TTBK2: variants seen among roughly 807,000 people sequenced by gnomAD.
TTBK2 encodes tau tubulin kinase 2.
TTBK2 carries 28 observed loss-of-function variants against 110.8 expected under a neutral mutation model. The observed-to-expected ratio is 0.25, with a 90% CI of 0.19 to 0.35. The LOEUF is 0.35. Ranked by LOEUF, TTBK2 falls within the 10% of genes least tolerant of loss-of-function variation. The pLI is 1.00. For synonymous variants in TTBK2, 532 were observed against 527.3 expected, an observed-to-expected ratio of 1.01 and a Z score of -0.12; for missense variants, 1,369 against 1,500.3, an observed-to-expected ratio of 0.91 and a Z score of 1.45.
At chr15:42,848,349 T>C (rs1162034705) in intron 3 of TTBK2, among the ~76,000 whole-genome samples, 3 of 152,188 alleles carry the variant, frequency 2.0e-5, no homozygotes, top group Non-Finnish European at 4.4e-5. Context: ...ATTAAATCTA[T>C]AGATCAATTG....
chr15:42,763,163 T>C (rs1190741720), intron 13 of TTBK2, among the ~76,000 whole-genome samples: 15 of 11,804 alleles, frequency 1.3e-3, no homozygotes, highest in African/African-American at 2.4e-3. Context: ...TATACATATA[T>C]ATATATATAT....
intron 8 of TTBK2, 76 bp from the exon 9 acceptor site, chr15:42,810,815 C>G: frequency 6.4e-7 from 1 of 1,555,646 alleles, no homozygotes; most frequent in Middle Eastern, 1.7e-4. Flanking sequence ...CAGTAACCGT[C>G]TCAAGGGTAT....
At position 42,752,686 on chromosome 15, in the gene TTBK2, T is replaced by A. The variant is rs1188379514; in HGVS notation, c.2560A>T (p.Ile854Phe). ...MKLLTVGTSE[I>F]SSRDIDPHVE... ...TGTGGGTCAATGTCTCTGGAAGAAA[T>A]TTCTGAAGTTCCAACTGTCAGAAGC... Residue 854 changes from isoleucine (I) to phenylalanine (F), a missense_variant, in exon 14 of 15, where the codon ATT (isoleucine) becomes TTT (phenylalanine). Ile to Phe is a conservative substitution (Grantham distance 21). Around this residue, in one of 4 missense-constraint regions of TTBK2, gnomAD observed 1,097 missense variants for 1,114.7 expected, o/e 0.98. Transcript: ENST00000267890. The A allele has an allele frequency of 1.2e-6, 2 of 1,614,162 alleles. No homozygotes were observed. Among genetic ancestry groups the A allele is most frequent in the East Asian group, 4.5e-5 (2 of 44,892 alleles).
intron 1 of TTBK2, among the ~76,000 whole-genome samples, chr15:42,904,475 C>T (rs1042065288): frequency 2.0e-5 from 3 of 152,020 alleles, no homozygotes; most frequent in Non-Finnish European, 2.9e-5. Flanking sequence ...TAAATAAATT[C>T]CTCCTTGGTA....
intron 7 of TTBK2, among the ~76,000 whole-genome samples, chr15:42,815,749 C>T (rs1891910990): frequency 6.7e-6 from 1 of 150,024 alleles, no homozygotes; most frequent in Non-Finnish European, 1.5e-5. Context: ...ATACATATTA[C>T]AGATAAAATG....
At chr15:42,848,572 C>T (rs1180098438) in intron 3 of TTBK2, among the ~76,000 whole-genome samples, 1 of 151,854 alleles carries the variant, frequency 6.6e-6, no homozygotes, top group African/African-American at 2.4e-5. Flanking sequence ...CTCACTGCAA[C>T]CTCCACCTCC....
At chr15:42,907,400 T>G (rs991762989) in intron 1 of TTBK2, among the ~76,000 whole-genome samples, 1 of 152,224 alleles carries the variant, frequency 6.6e-6, no homozygotes, top group African/African-American at 2.4e-5. Context: ...GCAGCACTAT[T>G]AACAACAGCC....
chr15:42,860,462 A>C (rs1894109473), intron 3 of TTBK2, among the ~76,000 whole-genome samples: 1 of 151,888 alleles, frequency 6.6e-6, no homozygotes, highest in South Asian at 2.1e-4. Context: ...CAACAACAAA[A>C]ATTAGCCAGG....
chr15:42,898,259 A>T (rs1035583883), intron 1 of TTBK2, among the ~76,000 whole-genome samples: 3 of 152,004 alleles, frequency 2.0e-5, no homozygotes, highest in Non-Finnish European at 4.4e-5. Context: ...CCAAACAGAA[A>T]ATACTGTACT....
chr15:42,818,860 T>C (rs552223451), intron 6 of TTBK2, among the ~76,000 whole-genome samples: 2 of 143,434 alleles, frequency 1.4e-5, no homozygotes, highest in East Asian at 4.3e-4. Context: ...CGATCTCGGC[T>C]TGCGGTGAGC....
chr15:42,907,014 G>A (rs1172380378), intron 1 of TTBK2, among the ~76,000 whole-genome samples: 1 of 150,224 alleles, frequency 6.7e-6, no homozygotes, highest in East Asian at 1.9e-4. Flanking sequence ...ATGAGACCCT[G>A]TCTCATTAAA....
At chr15:42,780,298 G>T (rs1234733615) in intron 11 of TTBK2, among the ~76,000 whole-genome samples, 5 of 147,992 alleles carry the variant, frequency 3.4e-5, no homozygotes, top group South Asian at 4.2e-4. Flanking sequence ...CTCCCAAAGT[G>T]CTGGGATTAT....
In TTBK2 at chr15:42,887,160, A is replaced by G. The variant is rs137967515; in HGVS notation, c.-67-8476T>C. Among the ~76,000 whole-genome samples, 200 of 152,248 alleles carry G rather than the reference A, an allele frequency of 1.3e-3. 7 individuals carry two copies. The East Asian group carries it at 0.035, about 27-fold the overall frequency. On this transcript the variant is annotated intron_variant, in intron 1 of 14. Transcript: ENST00000267890. ...TCTAAACCTCTTTATACTCCCCAAC[A>G]CTGGGGCCAACTTGGAAAACATTCT...
At chr15:42,796,583 G>A (rs1012817394) in intron 9 of TTBK2, among the ~76,000 whole-genome samples, 9 of 152,194 alleles carry the variant, frequency 5.9e-5, no homozygotes, top group African/African-American at 1.7e-4. Flanking sequence ...GGAAAACCAC[G>A]AGTCTGGTAT....
chr15:42,869,249 G>C (rs1000102588), intron 3 of TTBK2, among the ~76,000 whole-genome samples: 2 of 151,888 alleles, frequency 1.3e-5, no homozygotes, highest in African/African-American at 4.8e-5. Context: ...CACCACGCTT[G>C]GCTAAATTTT....
chr15:42,852,033 C>T (rs1462061094), intron 3 of TTBK2, among the ~76,000 whole-genome samples: 2 of 151,380 alleles, frequency 1.3e-5, no homozygotes, highest in Non-Finnish European at 2.9e-5. Flanking sequence ...AGCACTCAAA[C>T]AAGTAGTATA....
chr15:42,801,365 ATTGGCATCC>A lies in TTBK2; in HGVS notation c.823-6573_823-6565del, dbSNP rs759532224. ...CGGCCTCCAGCTCAGACAGCTTGGC[ATTGGCATCC>A]TTAATGGCTAGCTCCCCACGCTGCT... is the stretch of plus-strand genomic sequence containing the variant. On this transcript the variant is annotated intron_variant, in intron 9 of 14. Transcript: ENST00000267890. 30 of 1,486,672 alleles carry A rather than the reference ATTGGCATCC, an allele frequency of 2.0e-5. No individual in the cohort carries two copies. The South Asian group carries it at 3.2e-4, about 16-fold the overall frequency. The allele number at this position is 1,486,672 out of a possible 1,614,324, so 92.1% of individuals were successfully genotyped here. A position where few individuals can be genotyped will look rare whatever the true frequency, so the allele number is the denominator to read the frequency against.
chr15:42,763,179 T>TACATATATATATATATATATATATAC (rs1567008988), intron 13 of TTBK2, among the ~76,000 whole-genome samples: 1 of 22,364 alleles, frequency 4.5e-5, no homozygotes. Context: ...TATATATATA[T>TACATATATATATATATATATATATAC]ATATATATAT....
chr15:42,902,340 G>A (rs1279158899), intron 1 of TTBK2, among the ~76,000 whole-genome samples: 1 of 151,820 alleles, frequency 6.6e-6, no homozygotes, highest in Admixed American at 6.6e-5. Context: ...GACCAACATG[G>A]TGAAACCCCA....
Sources: allele counts gnomAD v4.1 joint callset (sites outside exome capture counted in the v4.1 genomes callset), GRCh38; gene constraint gnomAD v4.1.1; regional missense constraint gnomAD v4.1.1; transcripts MANE v1.5; gene names NCBI Gene and HGNC (gene_info 2026-07-23, HGNC 2026-07-21).